The following ADK variants were observed in gnomAD, a reference collection of about 807,000 sequenced individuals.
ADK encodes the protein adenosine kinase.
In ADK, 24 loss-of-function variants were observed where a neutral mutation model predicts 44.7. The observed-to-expected ratio is 0.54, with a 90% CI of 0.39 to 0.76. ADK has a LOEUF of 0.76. ADK is among the 30% of genes least tolerant of loss of function. The pLI is 0.00. For synonymous variants in ADK, 128 were observed against 142.6 expected, an observed-to-expected ratio of 0.90 and a Z score of 0.73; for missense variants, 321 against 425.1, an observed-to-expected ratio of 0.76 and a Z score of 2.15.
chr10:74,176,762 C>G lies in ADK; in HGVS notation c.66-24002C>G. 4 of 1,560,852 alleles carry G rather than the reference C, an allele frequency of 2.6e-6. No individual in the cohort carries two copies. The South Asian group carries it at 4.6e-5, about 18-fold the overall frequency. On this transcript the variant is annotated intron_variant, in intron 1 of 10. Coordinates refer to ENST00000539909, the MANE Select transcript of ADK (RefSeq NM_006721.4). ...CGCGGGGTGTGTGAGGACGCGCTCC[C>G]AGTCGCTGAGTGCCTGAGCCGGGAA...
At chr10:74,199,170 A>T (rs1345389368) in intron 1 of ADK, among the ~76,000 whole-genome samples, 1 of 152,054 alleles carries the variant, frequency 6.6e-6, no homozygotes, top group Admixed American at 6.6e-5. Flanking sequence ...TCTTGCTTGT[A>T]CTCTTCCAGG....
At chr10:74,588,378 C>T (rs1003341679) in intron 7 of ADK, among the ~76,000 whole-genome samples, 10 of 152,062 alleles carry the variant, frequency 6.6e-5, no homozygotes, top group Non-Finnish European at 1.5e-4. Flanking sequence ...TGTTCTTGGT[C>T]ATTTTCCCTT....
At chr10:74,470,606 A>C (rs1326481496) in intron 6 of ADK, among the ~76,000 whole-genome samples, 1 of 21,104 alleles carries the variant, frequency 4.7e-5, no homozygotes, top group Non-Finnish European at 1.8e-4. Context: ...AAAAATATCT[A>C]TTCAAGCCCT....
chr10:74,302,090 G>GT (rs68179517), intron 3 of ADK, among the ~76,000 whole-genome samples: 7,633 of 16,758 alleles, frequency 0.46, 1,431 homozygotes, highest in Middle Eastern at 0.61. Flanking sequence ...TTTCTTTTCT[G>GT]TTTTTTTTTT....
chr10:74,371,401 T>C lies in ADK; in HGVS notation c.274-22740T>C, dbSNP rs568286332. 5.0e-6 allele frequency: 3 copies of C among 594,906 alleles called. No individual in the cohort carries two copies. The African/African-American group carries it at 5.6e-5, about 11-fold the overall frequency. The allele number at this position is 594,906 out of a possible 1,614,324, so 36.9% of individuals were successfully genotyped here. On this transcript the variant is annotated intron_variant, in intron 4 of 10. Transcript: ENST00000539909. Reference sequence around the variant, plus strand: ...TGTTTGTAGATAACATGATCTTATATACCAAACAAAAATCTTAAGCAGTCC... The same window carrying C: ...TGTTTGTAGATAACATGATCTTATACACCAAACAAAAATCTTAAGCAGTCC...
intron 1 of ADK, among the ~76,000 whole-genome samples, chr10:74,166,877 G>C (rs1445832991): frequency 6.6e-6 from 1 of 152,092 alleles, no homozygotes; most frequent in African/African-American, 2.4e-5. Flanking sequence ...TTTTAGCATG[G>C]TGCAAGGAAA....
chr10:74,234,731 T>G lies in ADK; in HGVS notation c.194+10140T>G, dbSNP rs190875490. Among the ~76,000 whole-genome samples, 682 of 152,276 alleles carry G rather than the reference T, an allele frequency of 4.5e-3. 3 individuals are homozygous for G. The highest frequency in any genetic ancestry group is 0.034 in the Middle Eastern group (10 of 294). On this transcript the variant is annotated intron_variant, in intron 3 of 10. Coordinates refer to ENST00000539909, the MANE Select transcript of ADK (RefSeq NM_006721.4). ...AGACTAGGTCTTTTTTTGAAGTTCA[T>G]GTATTATAACTTTATTCTTTGTGAT...
At chr10:74,337,659 C>A (rs1841450069) in intron 4 of ADK, among the ~76,000 whole-genome samples, 1 of 151,976 alleles carries the variant, frequency 6.6e-6, no homozygotes, top group Admixed American at 6.6e-5. Flanking sequence ...CTACAGCTGG[C>A]TTCATTAGCT....
intron 1 of ADK, among the ~76,000 whole-genome samples, chr10:74,197,418 G>A (rs1843196831): frequency 6.6e-6 from 1 of 152,176 alleles, no homozygotes; most frequent in African/African-American, 2.4e-5. Context: ...TGAGACTTGG[G>A]CTGGGCGTGG....
chr10:74,223,014 TAAAA>T (rs965353431), intron 2 of ADK, among the ~76,000 whole-genome samples: 3 of 151,934 alleles, frequency 2.0e-5, no homozygotes, highest in African/African-American at 7.3e-5. Flanking sequence ...AGTATAATAA[TAAAA>T]AAATAAAAAT....
chr10:74,507,529 C>T lies in ADK; in HGVS notation c.556-17727C>T, dbSNP rs534535997. On this transcript the variant is annotated intron_variant, in intron 6 of 10. Transcript: ENST00000539909. Reference sequence around the variant, plus strand: ...TGTGGAGGCTGTGAGGTGGGAGAATCGCTTGAGCCCAGGAGGCAGAGGTTG... The same window carrying T: ...TGTGGAGGCTGTGAGGTGGGAGAATTGCTTGAGCCCAGGAGGCAGAGGTTG... Among the ~76,000 whole-genome samples the T allele has an allele frequency of 6.6e-5, 10 of 152,022 alleles. No individual in the cohort carries two copies. The East Asian group carries it at 1.5e-3, about 24-fold the overall frequency.
At chr10:74,459,759 GAAAAAAGA>G (rs1846100684) in intron 6 of ADK, among the ~76,000 whole-genome samples, 1 of 146,124 alleles carries the variant, frequency 6.8e-6, no homozygotes, top group Non-Finnish European at 1.5e-5. Flanking sequence ...AAAGAAAGGA[GAAAAAAGA>G]AAAAAATCAG....
chr10:74,290,387 G>A (rs758710214), intron 3 of ADK, among the ~76,000 whole-genome samples: 22 of 152,114 alleles, frequency 1.4e-4, no homozygotes, highest in Non-Finnish European at 2.6e-4. Context: ...ATAAGTATCC[G>A]TGATATTTTA....
At chr10:74,232,828 G>T (rs960228417) in intron 3 of ADK, among the ~76,000 whole-genome samples, 3 of 152,110 alleles carry the variant, frequency 2.0e-5, no homozygotes, top group Non-Finnish European at 4.4e-5. Flanking sequence ...GTTTCACTGT[G>T]TTGGTGAGGC....
chr10:74,201,599 T>C (rs1843386465), intron 2 of ADK, among the ~76,000 whole-genome samples: 4 of 152,154 alleles, frequency 2.6e-5, no homozygotes, highest in Admixed American at 2.6e-4. Context: ...TGTGTAGGTA[T>C]GTATGTGTAG....
At chr10:74,201,230 G>C (rs1843365498) in intron 2 of ADK, among the ~76,000 whole-genome samples, 1 of 152,198 alleles carries the variant, frequency 6.6e-6, no homozygotes, top group South Asian at 2.1e-4. Flanking sequence ...AATGGGAGAA[G>C]AAAGATGATT....
intron 1 of ADK, among the ~76,000 whole-genome samples, chr10:74,180,802 C>T (rs1842527291): frequency 6.6e-6 from 1 of 152,142 alleles, no homozygotes; most frequent in South Asian, 2.1e-4. Flanking sequence ...CCCCCCACTT[C>T]GGCCTCCCAA....
At chr10:74,630,626 A>G (rs1853376229) in intron 9 of ADK, among the ~76,000 whole-genome samples, 1 of 152,140 alleles carries the variant, frequency 6.6e-6, no homozygotes, top group South Asian at 2.1e-4. Flanking sequence ...ATTAGCCTCG[A>G]TAGTAGTGAT....
chr10:74,650,133 T>A (rs1270454131), intron 9 of ADK, among the ~76,000 whole-genome samples: 1 of 152,154 alleles, frequency 6.6e-6, no homozygotes. Context: ...TAGAAAGTAA[T>A]TGTTGGCCAG....
Sources: gnomAD v4.1 joint callset for allele counts (sites outside exome capture counted in the v4.1 genomes callset) on GRCh38, gnomAD v4.1.1 for gene constraint, MANE v1.5 for transcripts, NCBI Gene and HGNC (gene_info 2026-07-23, HGNC 2026-07-21) for gene names.